PDE4D: variants seen among roughly 807,000 people sequenced by gnomAD.
PDE4D encodes the protein phosphodiesterase 4D, also known as 3',5'-cyclic-AMP phosphodiesterase 4D.
PDE4D carries 24 observed loss-of-function variants against 87.4 expected under a neutral mutation model. That is an observed-to-expected ratio of 0.27 (90% confidence interval 0.20 to 0.39). The LOEUF (loss-of-function observed/expected upper bound fraction) is 0.39. PDE4D is among the 10% of genes least tolerant of loss of function. The pLI is 1.00. For missense variants in PDE4D, 714 were observed against 1,041.0 expected (o/e 0.69, Z 4.32); for synonymous variants, 384 against 383.2 (o/e 1.00, Z -0.02).
chr5:60,280,663 C>T (rs1751810561), intron 1 of PDE4D, among the ~76,000 whole-genome samples: 1 of 152,120 alleles, frequency 6.6e-6, no homozygotes, highest in Non-Finnish European at 1.5e-5. Context: ...GGAACAAACC[C>T]TCAGCACCTG....
chr5:59,770,543 A>G (rs966079788), intron 1 of PDE4D, among the ~76,000 whole-genome samples: 9 of 152,220 alleles, frequency 5.9e-5, no homozygotes, highest in African/African-American at 1.7e-4. Context: ...AGAATGAACA[A>G]ATGCAATTAA....
At chr5:60,202,047 T>A (rs1741978208) in intron 1 of PDE4D, among the ~76,000 whole-genome samples, 1 of 152,234 alleles carries the variant, frequency 6.6e-6, no homozygotes. Flanking sequence ...GCTATGGAAA[T>A]ACTCAAAGAA....
At chr5:59,560,986 A>C (rs971518036) in intron 1 of PDE4D, 1 of 152,232 alleles carries the variant, frequency 6.6e-6, no homozygotes, top group African/African-American at 2.4e-5. Context: ...CCTCACTTAA[A>C]AGTTATGGCA....
intron 1 of PDE4D, among the ~76,000 whole-genome samples, chr5:60,417,480 A>C (rs530223974): frequency 6.6e-6 from 1 of 152,340 alleles, no homozygotes; most frequent in East Asian, 1.9e-4. Flanking sequence ...CAAAGAAGCT[A>C]ACACACTTGT....
intron 1 of PDE4D, among the ~76,000 whole-genome samples, chr5:59,225,795 G>C (rs1753647715): frequency 6.8e-6 from 1 of 147,394 alleles, no homozygotes; most frequent in Non-Finnish European, 1.5e-5. Flanking sequence ...CAACTCAATA[G>C]CAAAACCCCC....
intron 1 of PDE4D, among the ~76,000 whole-genome samples, chr5:59,641,877 A>G (rs1374868943): frequency 6.6e-6 from 1 of 152,206 alleles, no homozygotes; most frequent in African/African-American, 2.4e-5. Flanking sequence ...AACTATTGCA[A>G]TATTAAATGT....
chr5:60,344,557 A>T lies in PDE4D; in HGVS notation c.-90+143385T>A, dbSNP rs77521801. Among the ~76,000 whole-genome samples the T allele has an allele frequency of 0.012, 1,819 of 152,240 alleles. 60 individuals carry two copies. The East Asian group carries it at 0.13, about 11-fold the overall frequency. ...CTACTAAGTACTCTTTCCACAAAAC[A>T]TTTCTCTTGCATTTTATCCTATAAC... is the stretch of plus-strand genomic sequence containing the variant. On this transcript the variant is annotated intron_variant, in intron 1 of 16. Coordinates refer to the PDE4D transcript ENST00000502484.
chr5:59,894,210 C>T (rs1008041818), upstream of PDE4D, among the ~76,000 whole-genome samples: 1 of 152,142 alleles, frequency 6.6e-6, no homozygotes, highest in African/African-American at 2.4e-5. Context: ...CCACACTGCT[C>T]CCCACTGCCC....
intron 2 of PDE4D, among the ~76,000 whole-genome samples, chr5:59,196,440 T>C (rs953425361): frequency 5.9e-5 from 9 of 152,234 alleles, no homozygotes; most frequent in African/African-American, 2.2e-4. Context: ...GCTACATTTC[T>C]TCCTTGGCCC....
chr5:60,485,549 T>C (rs1749070595), intron 1 of PDE4D, among the ~76,000 whole-genome samples: 2 of 152,350 alleles, frequency 1.3e-5, no homozygotes, highest in African/African-American at 4.8e-5. Context: ...ATGTGATACA[T>C]TCCTTTTTGG....
chr5:59,024,930 A>T (rs1181350901), intron 6 of PDE4D, among the ~76,000 whole-genome samples: 1 of 152,138 alleles, frequency 6.6e-6, no homozygotes, highest in African/African-American at 2.4e-5. Context: ...TTTAAAAAAG[A>T]TACAAGAGGA....
chr5:59,252,584 C>A (rs1046194682), intron 1 of PDE4D, among the ~76,000 whole-genome samples: 1 of 152,024 alleles, frequency 6.6e-6, no homozygotes, highest in African/African-American at 2.4e-5. Context: ...TGTAGTGGCA[C>A]AATCACAGCT....
chr5:60,497,259 C>T (rs1172387904), intron 1 of PDE4D, among the ~76,000 whole-genome samples: 1 of 152,166 alleles, frequency 6.6e-6, no homozygotes, highest in East Asian at 1.9e-4. Context: ...GTTTAACCAT[C>T]CATTCACATT....
chr5:60,449,441 A>G (rs533064548), intron 1 of PDE4D, among the ~76,000 whole-genome samples: 1 of 143,648 alleles, frequency 7.0e-6, no homozygotes, highest in African/African-American at 2.6e-5. Context: ...GGAATTGAAC[A>G]ATGAGAACAC....
At chr5:59,646,934 C>A (rs1742551616) in intron 1 of PDE4D, among the ~76,000 whole-genome samples, 1 of 152,154 alleles carries the variant, frequency 6.6e-6, no homozygotes, top group Non-Finnish European at 1.5e-5. Flanking sequence ...ACTCGAGAGG[C>A]TGAGGCAGGA....
At chr5:60,317,127 T>C (rs1379435886) in intron 1 of PDE4D, among the ~76,000 whole-genome samples, 1 of 152,166 alleles carries the variant, frequency 6.6e-6, no homozygotes, top group Non-Finnish European at 1.5e-5. Flanking sequence ...TGGACTTTTT[T>C]TGGTTGATAA....
chr5:59,969,268 T>C (rs982682997), intron 3 of PDE4D, among the ~76,000 whole-genome samples: 1 of 152,200 alleles, frequency 6.6e-6, no homozygotes, highest in South Asian at 2.1e-4. Context: ...TCACAAAGAA[T>C]GGCTTTTGTA....
At chr5:59,525,710 G>A (rs1562334631) in intron 1 of PDE4D, among the ~76,000 whole-genome samples, 1 of 152,180 alleles carries the variant, frequency 6.6e-6, no homozygotes, top group East Asian at 1.9e-4. Context: ...TTTTGGGGGA[G>A]GGAACCTCAT....
intron 1 of PDE4D, among the ~76,000 whole-genome samples, chr5:59,728,657 G>T (rs904058502): frequency 6.6e-6 from 1 of 151,950 alleles, no homozygotes; most frequent in Non-Finnish European, 1.5e-5. Flanking sequence ...TAATAATTTA[G>T]AAGGAAAACA....
Sources: gnomAD v4.1 joint callset for allele counts (sites outside exome capture counted in the v4.1 genomes callset) on GRCh38, gnomAD v4.1.1 for gene constraint, MANE v1.5 for transcripts, NCBI Gene and HGNC (gene_info 2026-07-23, HGNC 2026-07-21) for gene names.